The following RAB3IL1 variants were observed in gnomAD, a reference collection of about 807,000 sequenced individuals.
The protein encoded by RAB3IL1 is guanine nucleotide exchange factor for Rab-3A.
RAB3IL1 carries 37 observed loss-of-function variants against 49.2 expected under a neutral mutation model. The observed-to-expected ratio is 0.75, with a 90% CI of 0.58 to 0.99. The LOEUF (loss-of-function observed/expected upper bound fraction) is 0.99. RAB3IL1 is among the 50% of genes least tolerant of loss of function. The probability of loss-of-function intolerance (pLI) is 0.00; values close to 1 mark genes in which losing one functional copy is unlikely to be tolerated. For synonymous variants in RAB3IL1, 193 were observed against 213.9 expected, an observed-to-expected ratio of 0.90 and a Z score of 0.85; for missense variants, 484 against 513.0, an observed-to-expected ratio of 0.94 and a Z score of 0.55.
At chr11:61,921,298 C>T (rs1939900481), upstream of RAB3IL1, among the ~76,000 whole-genome samples, 1 of 152,208 alleles carries the variant, frequency 6.6e-6, no homozygotes, top group African/African-American at 2.4e-5. Flanking sequence ...CTGGATTCAA[C>T]CCCACTTTCA....
the RAB3IL1 span, among the ~76,000 whole-genome samples, chr11:61,934,081 A>G: frequency 6.6e-6 from 1 of 152,138 alleles, no homozygotes; most frequent in Non-Finnish European, 1.5e-5. Flanking sequence ...GTCTAGCTAT[A>G]CTTTGTCCTA....
chr11:61,919,515 C>T (rs2078282031), upstream of RAB3IL1, among the ~76,000 whole-genome samples: 1 of 152,198 alleles, frequency 6.6e-6, no homozygotes, highest in Admixed American at 6.5e-5. Flanking sequence ...CAGCCAGGGG[C>T]AGTGGGGCTG....
chr11:61,918,280 T>A (rs1939797753), upstream of RAB3IL1, among the ~76,000 whole-genome samples: 1 of 152,144 alleles, frequency 6.6e-6, no homozygotes, highest in South Asian at 2.1e-4. Context: ...ATCATTCGTC[T>A]CAACTTCAGC....
At chr11:61,922,437 G>A (rs1476450241), upstream of RAB3IL1, among the ~76,000 whole-genome samples, 1 of 152,046 alleles carries the variant, frequency 6.6e-6, no homozygotes, top group African/African-American at 2.4e-5. Flanking sequence ...CAGGAGAATC[G>A]CTTGAACCCA....
chr11:61,907,429 C>T lies in RAB3IL1; in HGVS notation c.402G>A (p.Ala134=), dbSNP rs752747826. The T allele has an allele frequency of 6.2e-6, 10 of 1,614,056 alleles. No homozygotes were observed. The highest frequency in any genetic ancestry group is 1.7e-5 in the Admixed American group (1 of 60,014). The change falls in exon 4 of 10, where the codon GCG becomes GCA. Residue 134 remains alanine (A), a synonymous_variant. Transcript: ENST00000394836. ...KMVREANMKQ[A]ASEKQLKEAR... ...CCTCCTTCAGCTGCTTTTCTGATGCCGCCTGCTTCATGTTGGCTTCTCGAA... is the reference window on the plus strand; with the variant it reads ...CCTCCTTCAGCTGCTTTTCTGATGCTGCCTGCTTCATGTTGGCTTCTCGAA...
chr11:61,934,446 G>GTGTGTGTGTGTA, the RAB3IL1 span, among the ~76,000 whole-genome samples: 11 of 24,404 alleles, frequency 4.5e-4, 1 homozygote, highest in African/African-American at 5.7e-4. Context: ...GTGTGTGTGT[G>GTGTGTGTGTGTA]TATGTATATA....
chr11:61,905,140 G>C (rs542349604), intron 5 of RAB3IL1, among the ~76,000 whole-genome samples: 1 of 152,204 alleles, frequency 6.6e-6, no homozygotes, highest in Non-Finnish European at 1.5e-5. Context: ...GGATTTTAGA[G>C]TGGGGTGCAG....
At chr11:61,945,212 CAGAT>C in the RAB3IL1 span, among the ~76,000 whole-genome samples, 1 of 152,220 alleles carries the variant, frequency 6.6e-6, no homozygotes, top group Non-Finnish European at 1.5e-5. Flanking sequence ...ATCCACCTGA[CAGAT>C]GGATGACCCT....
chr11:61,922,524 G>GA (rs1163943740), upstream of RAB3IL1, among the ~76,000 whole-genome samples: 68 of 144,148 alleles, frequency 4.7e-4, no homozygotes, highest in South Asian at 2.0e-3. Context: ...CTCCGTCTTG[G>GA]AAAAAAAAAA....
intron 1 of RAB3IL1, among the ~76,000 whole-genome samples, chr11:61,910,757 T>G (rs766136866): frequency 3.9e-5 from 6 of 152,202 alleles, no homozygotes; most frequent in Non-Finnish European, 8.8e-5. Flanking sequence ...GCACAGACAC[T>G]GTTGATGGAG....
intron 1 of RAB3IL1, among the ~76,000 whole-genome samples, chr11:61,913,448 C>T (rs1939548823): frequency 6.6e-6 from 1 of 152,110 alleles, no homozygotes; most frequent in Admixed American, 6.5e-5. Context: ...TCAGGAACAG[C>T]TGGGGATGGG....
the RAB3IL1 span, among the ~76,000 whole-genome samples, chr11:61,936,664 A>G: frequency 6.6e-6 from 1 of 152,246 alleles, no homozygotes; most frequent in Non-Finnish European, 1.5e-5. Context: ...CTTGAAAACA[A>G]CAAGAGAAAA....
At chr11:61,930,776 TA>T in the RAB3IL1 span, among the ~76,000 whole-genome samples, 1 of 152,120 alleles carries the variant, frequency 6.6e-6, no homozygotes, top group African/African-American at 2.4e-5. Flanking sequence ...GACCCTGTCT[TA>T]AAAAGACCAA....
the RAB3IL1 span, among the ~76,000 whole-genome samples, chr11:61,942,470 A>C: frequency 1.1e-4 from 17 of 151,238 alleles, 1 homozygote; most frequent in African/African-American, 4.1e-4. Context: ...AATAAATTAA[A>C]AAACAAACAA....
At chr11:61,945,950 G>T in the RAB3IL1 span, 1 of 325,264 alleles carries the variant, frequency 3.1e-6, no homozygotes, top group Non-Finnish European at 4.4e-6. Context: ...GGTTTCTGTC[G>T]TCTTTCTGTG....
At chr11:61,905,130 G>A (rs1009149063) in intron 5 of RAB3IL1, among the ~76,000 whole-genome samples, 38 of 152,336 alleles carry the variant, frequency 2.5e-4, no homozygotes, top group African/African-American at 4.1e-4. Flanking sequence ...TGGCGCTACT[G>A]GATTTTAGAG....
chr11:61,904,647 C>T lies in RAB3IL1; in HGVS notation c.798G>A (p.Leu266=). ...LDFTMQELSV[L]VRAAVEDNTL... ...TGTTGTCCTCCACGGCGGCCCGTAC[C>T]AGCACCGAGAGCTGTGGCAGACCAG... The change falls in exon 7 of 10, where the codon CTG becomes CTA. Residue 266 remains leucine (L), a synonymous_variant. Transcript: ENST00000394836. 2.5e-6 allele frequency: 4 copies of T among 1,610,804 alleles called. No homozygotes were observed. The highest frequency in any genetic ancestry group is 3.4e-6 in the Non-Finnish European group (4 of 1,178,666).
chr11:61,909,046 C>T (rs1469006494), intron 1 of RAB3IL1, among the ~76,000 whole-genome samples: 1 of 152,250 alleles, frequency 6.6e-6, no homozygotes. Context: ...ACACTCTCCA[C>T]TCCAAAGTGG....
At chr11:61,924,247 C>T (rs1270013233), upstream of RAB3IL1, among the ~76,000 whole-genome samples, 2 of 152,158 alleles carry the variant, frequency 1.3e-5, no homozygotes, top group Non-Finnish European at 2.9e-5. Context: ...TAAACTTGCT[C>T]TTTTCACTGT....
Sources: allele counts gnomAD v4.1 joint callset (sites outside exome capture counted in the v4.1 genomes callset), GRCh38; gene constraint gnomAD v4.1.1; transcripts MANE v1.5; gene names NCBI Gene and HGNC (gene_info 2026-07-23, HGNC 2026-07-21).